Variants in DNER observed in about 807,000 individuals in gnomAD.
The protein encoded by DNER is delta and Notch-like epidermal growth factor-related receptor.
DNER carries 33 observed loss-of-function variants against 78.2 expected under a neutral mutation model. That is an observed-to-expected ratio of 0.42 (90% CI 0.32 to 0.56). The LOEUF is 0.56. DNER is among the 20% of genes least tolerant of loss of function. The probability of loss-of-function intolerance (pLI) is 0.11; values close to 1 mark genes in which losing one functional copy is unlikely to be tolerated. For synonymous variants in DNER, 417 were observed against 384.8 expected, an observed-to-expected ratio of 1.08 and a Z score of -0.98; for missense variants, 918 against 975.3, an observed-to-expected ratio of 0.94 and a Z score of 0.78.
intron 1 of DNER, among the ~76,000 whole-genome samples, chr2:229,611,479 A>C (rs191613087): frequency 8.5e-5 from 13 of 152,240 alleles, no homozygotes; most frequent in African/African-American, 2.2e-4. Context: ...AAGTTCTGCC[A>C]CTTAACAATT....
At chr2:229,370,295 G>A (rs1692452499) in intron 11 of DNER, among the ~76,000 whole-genome samples, 1 of 152,304 alleles carries the variant, frequency 6.6e-6, no homozygotes, top group Non-Finnish European at 1.5e-5. Flanking sequence ...TCTGAGAACA[G>A]ATGAATAATG....
intron 8 of DNER, 42 bp from the exon 9 acceptor site, chr2:229,418,272 T>C: frequency 6.2e-7 from 1 of 1,612,410 alleles, no homozygotes; most frequent in African/African-American, 1.3e-5. Context: ...ATGCATCCCA[T>C]TTACAACCCA....
chr2:229,551,617 A>T (rs1003481951), intron 4 of DNER, among the ~76,000 whole-genome samples: 1 of 151,730 alleles, frequency 6.6e-6, no homozygotes, highest in African/African-American at 2.4e-5. Flanking sequence ...CTGGGCAACA[A>T]GAGTGAAACC....
intron 8 of DNER, among the ~76,000 whole-genome samples, chr2:229,432,833 G>A (rs750406734): frequency 1.3e-5 from 2 of 152,160 alleles, no homozygotes; most frequent in Non-Finnish European, 2.9e-5. Flanking sequence ...AGTATACAAC[G>A]TCTCCCACAA....
In DNER at chr2:229,660,716, C is replaced by T. The variant is rs565582495; in HGVS notation, c.276+53432G>A. On this transcript the variant is annotated intron_variant, in intron 1 of 12. Transcript: ENST00000341772. Reference sequence around the variant, plus strand: ...TCATGAATATATCTGAAGCTATACCCTGGTATCATTAGCATAAAGTTAAAA... The same window carrying T: ...TCATGAATATATCTGAAGCTATACCTTGGTATCATTAGCATAAAGTTAAAA... Among the ~76,000 whole-genome samples the T allele has an allele frequency of 2.0e-4, 31 of 152,284 alleles. 1 individual carries two copies. The South Asian group carries it at 6.4e-3, about 32-fold the overall frequency.
intron 1 of DNER, among the ~76,000 whole-genome samples, chr2:229,669,724 G>T (rs1400707755): frequency 6.6e-6 from 1 of 152,112 alleles, no homozygotes; most frequent in Admixed American, 6.6e-5. Flanking sequence ...TATTACTGGT[G>T]TATAGGAATG....
chr2:229,466,267 T>G (rs187332086), intron 7 of DNER, among the ~76,000 whole-genome samples: 1 of 152,126 alleles, frequency 6.6e-6, no homozygotes, highest in Non-Finnish European at 1.5e-5. Flanking sequence ...CTTCCCTCCA[T>G]CACATTCTGC....
chr2:229,448,330 A>G (rs544635083), intron 7 of DNER, among the ~76,000 whole-genome samples: 8 of 152,366 alleles, frequency 5.3e-5, no homozygotes, highest in African/African-American at 1.9e-4. Flanking sequence ...ATCTGTAGAT[A>G]CAGAAAGTAG....
At chr2:229,372,949 A>G (rs1166760315) in intron 11 of DNER, among the ~76,000 whole-genome samples, 1 of 152,154 alleles carries the variant, frequency 6.6e-6, no homozygotes, top group Non-Finnish European at 1.5e-5. Context: ...GAGGTGCTGT[A>G]GCCGAGTGAG....
chr2:229,531,545 C>T (rs1018505739), intron 5 of DNER, among the ~76,000 whole-genome samples: 4 of 152,162 alleles, frequency 2.6e-5, no homozygotes, highest in Non-Finnish European at 4.4e-5. Flanking sequence ...TTAGAACACT[C>T]GCACATTGCT....
At chr2:229,656,707 TACTC>T (rs959215001) in intron 1 of DNER, among the ~76,000 whole-genome samples, 29 of 152,206 alleles carry the variant, frequency 1.9e-4, no homozygotes, top group African/African-American at 6.8e-4. Flanking sequence ...CCTAGACACT[TACTC>T]ATTCATTCTC....
At chr2:229,561,940 C>T (rs187208739) in intron 4 of DNER, among the ~76,000 whole-genome samples, 65 of 152,246 alleles carry the variant, frequency 4.3e-4, no homozygotes, top group African/African-American at 1.5e-3. Context: ...GGACCGAGCA[C>T]GCGCCCTTCC....
At chr2:229,389,665 A>G (rs1372680864) in intron 10 of DNER, among the ~76,000 whole-genome samples, 1 of 152,202 alleles carries the variant, frequency 6.6e-6, no homozygotes, top group Admixed American at 6.5e-5. Flanking sequence ...TCTATCTGCT[A>G]TTGGTTTACC....
intron 1 of DNER, among the ~76,000 whole-genome samples, chr2:229,687,479 G>C (rs1157922306): frequency 6.6e-6 from 1 of 151,946 alleles, no homozygotes; most frequent in Non-Finnish European, 1.5e-5. Flanking sequence ...GGCCAGGCTG[G>C]TCTCGAACTC....
At chr2:229,506,556 C>T (rs1695750375) in intron 6 of DNER, among the ~76,000 whole-genome samples, 1 of 146,840 alleles carries the variant, frequency 6.8e-6, no homozygotes. Flanking sequence ...TTCTAGGGTA[C>T]ATGTGCACAA....
intron 1 of DNER, among the ~76,000 whole-genome samples, chr2:229,615,934 A>G (rs1415688337): frequency 6.6e-6 from 1 of 152,230 alleles, no homozygotes; most frequent in African/African-American, 2.4e-5. Flanking sequence ...AATCTGAATG[A>G]TAAGGCCAGC....
At chr2:229,397,726 G>C (rs1284061356) in intron 10 of DNER, among the ~76,000 whole-genome samples, 1 of 151,986 alleles carries the variant, frequency 6.6e-6, no homozygotes, top group African/African-American at 2.4e-5. Context: ...AAAGTAACAG[G>C]AAAACCTCAA....
At chr2:229,500,753 C>T (rs139133664) in intron 6 of DNER, among the ~76,000 whole-genome samples, 2 of 149,248 alleles carry the variant, frequency 1.3e-5, no homozygotes, top group East Asian at 2.0e-4. Context: ...TGTATGGTTA[C>T]AAGAGTAGGT....
At chr2:229,425,628 C>T (rs1693858064) in intron 8 of DNER, among the ~76,000 whole-genome samples, 1 of 152,218 alleles carries the variant, frequency 6.6e-6, no homozygotes, top group African/African-American at 2.4e-5. Context: ...CCAGGACCCA[C>T]CGGCTCTGGT....
Sources: gnomAD v4.1 joint callset for allele counts (sites outside exome capture counted in the v4.1 genomes callset) on GRCh38, gnomAD v4.1.1 for gene constraint, MANE v1.5 for transcripts, NCBI Gene and HGNC (gene_info 2026-07-23, HGNC 2026-07-21) for gene names.